PLCB4: variants seen among roughly 807,000 people sequenced by gnomAD.
PLCB4 encodes the protein 1-phosphatidylinositol 4,5-bisphosphate phosphodiesterase beta-4.
Under a neutral mutation model 178.8 loss-of-function variants are expected in PLCB4, and 77 were observed. The ratio of observed to expected loss-of-function variants is 0.43; its 90% CI spans 0.36 to 0.52. The LOEUF (loss-of-function observed/expected upper bound fraction) is 0.52, where lower values mean the gene tolerates loss of function less well. Ranked by LOEUF, PLCB4 falls within the 20% of genes least tolerant of loss-of-function variation. PLCB4 has a pLI of 0.00. For missense variants in PLCB4, 1,024 were observed against 1,453.4 expected, an observed-to-expected ratio of 0.70 and a Z score of 4.80; for synonymous variants, 496 against 490.8, an observed-to-expected ratio of 1.01 and a Z score of -0.14.
chr20:9,188,499 T>C (rs6108269), intron 2 of PLCB4, among the ~76,000 whole-genome samples: 68 of 139,658 alleles, frequency 4.9e-4, no homozygotes, highest in African/African-American at 1.7e-3. Flanking sequence ...GGTTGGTTAA[T>C]TGTTCATTGT....
intron 2 of PLCB4, among the ~76,000 whole-genome samples, chr20:9,133,216 C>T (rs982214549): frequency 3.3e-5 from 5 of 152,074 alleles, no homozygotes; most frequent in African/African-American, 9.7e-5. Context: ...TGGGTTTTAT[C>T]ATTGTGCTTT....
chr20:9,343,543 G>A (rs2033467530), intron 7 of PLCB4, among the ~76,000 whole-genome samples: 1 of 152,156 alleles, frequency 6.6e-6, no homozygotes, highest in Admixed American at 6.6e-5. Context: ...AAATATGATT[G>A]TGCTTTTTTC....
intron 1 of PLCB4, among the ~76,000 whole-genome samples, chr20:9,088,988 A>G (rs1268549587): frequency 6.6e-6 from 1 of 152,006 alleles, no homozygotes; most frequent in African/African-American, 2.4e-5. Flanking sequence ...TATAAAATAT[A>G]AAAATATACT....
intron 1 of PLCB4, among the ~76,000 whole-genome samples, chr20:9,069,483 C>G (rs1225695542): frequency 6.6e-6 from 1 of 152,106 alleles, no homozygotes; most frequent in Admixed American, 6.5e-5. Flanking sequence ...TAGCTCGGCT[C>G]GACGTGTATA....
intron 3 of PLCB4, among the ~76,000 whole-genome samples, chr20:9,274,328 T>C (rs2094433303): frequency 6.6e-6 from 1 of 152,090 alleles, no homozygotes; most frequent in African/African-American, 2.4e-5. Flanking sequence ...TTCAGTAAAC[T>C]TTCTTGTATG....
intron 17 of PLCB4, among the ~76,000 whole-genome samples, chr20:9,391,600 C>T (rs182924233): frequency 7.4e-4 from 112 of 152,332 alleles, no homozygotes; most frequent in African/African-American, 2.6e-3. Flanking sequence ...CTTTGTCCCC[C>T]TTCCTTCTTC....
chr20:9,415,133 A>C (rs1456771078), intron 25 of PLCB4, among the ~76,000 whole-genome samples: 1 of 152,222 alleles, frequency 6.6e-6, no homozygotes, highest in East Asian at 1.9e-4. Flanking sequence ...GTGGTCTCAA[A>C]ATATCTTAAT....
chr20:9,443,891 G>A lies in PLCB4; in HGVS notation c.2765-90G>A, dbSNP rs113244846. ...ATGTAAAGCTGCTTCAAAGTCTTTC[G>A]ATGAGATTTCGATATGTCAGTTCTA... On this transcript the variant is annotated intron_variant, in intron 30 of 39. Transcript: ENST00000378473. 1,379 of 735,688 alleles carry A rather than the reference G, an allele frequency of 1.9e-3. 13 individuals carry two copies. The African/African-American group carries it at 0.02, about 10-fold the overall frequency. 45.6% of individuals were successfully genotyped at this position (735,688 alleles called of 1,614,324 possible).
At chr20:9,329,328 A>G (rs1200547887) in intron 4 of PLCB4, among the ~76,000 whole-genome samples, 2 of 152,182 alleles carry the variant, frequency 1.3e-5, no homozygotes, top group Non-Finnish European at 2.9e-5. Flanking sequence ...GACTCCTTGT[A>G]CTGACACTAT....
intron 2 of PLCB4, among the ~76,000 whole-genome samples, chr20:9,155,698 G>C (rs541075785): frequency 6.6e-6 from 1 of 152,296 alleles, no homozygotes; most frequent in East Asian, 1.9e-4. Flanking sequence ...GAAACCACCA[G>C]CTGGTGAATA....
intron 7 of PLCB4, among the ~76,000 whole-genome samples, chr20:9,361,274 T>A (rs1331093560): frequency 6.6e-6 from 1 of 152,128 alleles, no homozygotes; most frequent in Non-Finnish European, 1.5e-5. Flanking sequence ...CAGAGGTGAA[T>A]GGATGAGTGT....
chr20:9,476,129 G>T (rs1294637518), intron 38 of PLCB4, among the ~76,000 whole-genome samples: 2 of 152,158 alleles, frequency 1.3e-5, no homozygotes, highest in African/African-American at 2.4e-5. Context: ...ACCAGTGTTG[G>T]GGGCACTGGC....
At chr20:9,115,429 T>C (rs928712423) in intron 2 of PLCB4, among the ~76,000 whole-genome samples, 1 of 140,740 alleles carries the variant, frequency 7.1e-6, no homozygotes, top group African/African-American at 2.7e-5. Flanking sequence ...TAAAACTTCT[T>C]CTTCTTTTTT....
At chr20:9,208,404 A>G (rs1421847211) in intron 2 of PLCB4, among the ~76,000 whole-genome samples, 1 of 152,184 alleles carries the variant, frequency 6.6e-6, no homozygotes, top group Non-Finnish European at 1.5e-5. Flanking sequence ...TGCTTCTGAC[A>G]GTTTTGCTGT....
intron 32 of PLCB4, among the ~76,000 whole-genome samples, chr20:9,446,789 G>A (rs559797665): frequency 7.6e-4 from 116 of 152,310 alleles, no homozygotes; most frequent in Non-Finnish European, 1.4e-3. Flanking sequence ...GCTGAGGCAG[G>A]AGAATCACTT....
At chr20:9,150,657 G>T (rs1467127799) in intron 2 of PLCB4, among the ~76,000 whole-genome samples, 3 of 152,062 alleles carry the variant, frequency 2.0e-5, no homozygotes, top group Non-Finnish European at 4.4e-5. Flanking sequence ...TTTAGAAGGA[G>T]GCCTGAGGTC....
chr20:9,096,195 C>T lies in PLCB4; in HGVS notation c.-134-92C>T, dbSNP rs544476098. The T allele has an allele frequency of 1.8e-4, 27 of 152,236 alleles. 1 individual carries two copies. The highest frequency in any genetic ancestry group is 5.1e-4 in the African/African-American group (21 of 41,546). 9.4% of individuals were successfully genotyped at this position (152,236 alleles called of 1,614,324 possible). A position where few individuals can be genotyped will look rare whatever the true frequency, so the allele number is the denominator to read the frequency against. ...TTTGTTTAATATTATAAATGAAACA[C>T]AACATGGTAAGATTATAGGCTGGTC... On this transcript the variant is annotated intron_variant, in intron 1 of 39. Coordinates refer to ENST00000378473, the MANE Select transcript of PLCB4 (RefSeq NM_001377142.1).
intron 2 of PLCB4, among the ~76,000 whole-genome samples, chr20:9,146,551 A>G (rs552016154): frequency 6.6e-6 from 1 of 152,296 alleles, no homozygotes; most frequent in South Asian, 2.1e-4. Flanking sequence ...TCAGGTAGTA[A>G]GTGGTTCAGG....
intron 4 of PLCB4, among the ~76,000 whole-genome samples, chr20:9,330,870 G>A (rs1301836951): frequency 6.6e-6 from 1 of 152,170 alleles, no homozygotes; most frequent in African/African-American, 2.4e-5. Context: ...ATGTGAGATA[G>A]TATTTGTGAA....
Sources: gnomAD v4.1 joint callset for allele counts (sites outside exome capture counted in the v4.1 genomes callset) on GRCh38, gnomAD v4.1.1 for gene constraint, MANE v1.5 for transcripts, NCBI Gene and HGNC (gene_info 2026-07-23, HGNC 2026-07-21) for gene names.